Variants in KCNB2 observed in about 807,000 individuals in gnomAD.
KCNB2 encodes delayed rectifier potassium channel protein.
KCNB2 carries 15 observed loss-of-function variants against 61.5 expected under a neutral mutation model. The observed-to-expected ratio is 0.24, with a 90% CI of 0.16 to 0.38. The LOEUF (loss-of-function observed/expected upper bound fraction) is 0.38. KCNB2 is among the 10% of genes least tolerant of loss of function. The probability of loss-of-function intolerance (pLI) is 1.00; values close to 1 mark genes in which losing one functional copy is unlikely to be tolerated. For synonymous variants in KCNB2, 457 were observed against 446.0 expected, an observed-to-expected ratio of 1.02 and a Z score of -0.31; for missense variants, 828 against 1,125.2, an observed-to-expected ratio of 0.74 and a Z score of 3.78.
chr8:72,935,866 G>A (rs559837925), intron 2 of KCNB2, 69 bp from the exon 3 acceptor site: 27 of 1,035,158 alleles, frequency 2.6e-5, no homozygotes, highest in African/African-American at 7.9e-5. Flanking sequence ...AACAATCACC[G>A]ACCCATCTGT....
chr8:72,581,483 T>C (rs1248622704), intron 2 of KCNB2, among the ~76,000 whole-genome samples: 1 of 152,220 alleles, frequency 6.6e-6, no homozygotes, highest in East Asian at 1.9e-4. Context: ...ACACTGACTG[T>C]GCCTCCAAAT....
intron 2 of KCNB2, among the ~76,000 whole-genome samples, chr8:72,587,088 A>AT (rs1288466868): frequency 1.3e-5 from 2 of 152,130 alleles, no homozygotes; most frequent in Admixed American, 6.6e-5. Context: ...AGTTCTTGAG[A>AT]TTTTTTTCCT....
At chr8:72,595,665 A>G (rs996389222) in intron 2 of KCNB2, among the ~76,000 whole-genome samples, 1 of 151,962 alleles carries the variant, frequency 6.6e-6, no homozygotes, top group South Asian at 2.1e-4. Context: ...CTCACCTCAT[A>G]TGTCCCTAGC....
intron 2 of KCNB2, among the ~76,000 whole-genome samples, chr8:72,700,412 A>G: frequency 6.6e-6 from 1 of 152,176 alleles, no homozygotes; most frequent in Non-Finnish European, 1.5e-5. Flanking sequence ...ACATGAACAC[A>G]CACTTCTTAC....
intron 2 of KCNB2, among the ~76,000 whole-genome samples, chr8:72,689,067 A>G (rs1169901383): frequency 6.6e-6 from 1 of 152,212 alleles, no homozygotes; most frequent in African/African-American, 2.4e-5. Context: ...ATGTTTATAA[A>G]TAACTTTCAC....
intron 2 of KCNB2, among the ~76,000 whole-genome samples, chr8:72,584,145 A>G (rs1351108030): frequency 6.6e-6 from 1 of 152,138 alleles, no homozygotes; most frequent in Non-Finnish European, 1.5e-5. Flanking sequence ...GGAAAAGAAC[A>G]TTTAGACAAA....
rs181704658 is a variant in KCNB2, at chr8:72,902,333, T to C, written c.580-33602T>C. On this transcript the variant is annotated intron_variant, in intron 2 of 2. Transcript: ENST00000523207. The stretch of plus-strand genomic sequence containing the variant: ...AAAGATAGGTGTTGTGGATGGAGAG[T>C]GAAGGGAAAGCCAGAGAGATATGAA... Among the ~76,000 whole-genome samples, 425 of 151,470 alleles carry C rather than the reference T, an allele frequency of 2.8e-3. 3 individuals carry two copies. The highest frequency in any genetic ancestry group is 4.3e-3 in the Non-Finnish European group (289 of 67,828).
At chr8:72,818,204 T>G (rs1217586061) in intron 2 of KCNB2, among the ~76,000 whole-genome samples, 4 of 152,064 alleles carry the variant, frequency 2.6e-5, no homozygotes, top group Non-Finnish European at 5.9e-5. Context: ...AAGAAAAAAA[T>G]TATGGCCTAT....
intron 2 of KCNB2, among the ~76,000 whole-genome samples, chr8:72,885,281 T>C (rs145649845): frequency 4.9e-4 from 75 of 152,234 alleles, no homozygotes; most frequent in African/African-American, 1.7e-3. Context: ...GTCTGTAACT[T>C]TATTGTACTT....
intron 2 of KCNB2, among the ~76,000 whole-genome samples, chr8:72,851,664 C>T (rs899920733): frequency 1.3e-4 from 19 of 151,912 alleles, no homozygotes; most frequent in African/African-American, 4.4e-4. Context: ...CTAAACTGTC[C>T]GATGGCTCCA....
intron 2 of KCNB2, among the ~76,000 whole-genome samples, chr8:72,891,560 C>T (rs960848474): frequency 6.6e-6 from 1 of 152,188 alleles, no homozygotes; most frequent in Non-Finnish European, 1.5e-5. Flanking sequence ...AGAAAGCCAA[C>T]ACCAAAAATT....
At chr8:72,931,882 G>A (rs1033742672) in intron 2 of KCNB2, among the ~76,000 whole-genome samples, 2 of 152,162 alleles carry the variant, frequency 1.3e-5, no homozygotes, top group South Asian at 2.1e-4. Flanking sequence ...GCATGGTGGT[G>A]CACACCTGTA....
intron 2 of KCNB2, among the ~76,000 whole-genome samples, chr8:72,795,878 T>A (rs1256992322): frequency 1.3e-5 from 2 of 152,142 alleles, no homozygotes; most frequent in East Asian, 1.9e-4. Context: ...CAGAGAGGCA[T>A]AAAATTATGC....
intron 2 of KCNB2, among the ~76,000 whole-genome samples, chr8:72,629,763 T>C (rs1445342621): frequency 6.6e-6 from 1 of 152,164 alleles, no homozygotes; most frequent in Non-Finnish European, 1.5e-5. Flanking sequence ...TAAGCCAGGC[T>C]CTGTGCTAGG....
At chr8:72,892,370 G>A (rs974279319) in intron 2 of KCNB2, among the ~76,000 whole-genome samples, 2 of 152,050 alleles carry the variant, frequency 1.3e-5, no homozygotes, top group South Asian at 2.1e-4. Context: ...GCTTCCAGTT[G>A]GGCCACTACC....
chr8:72,732,347 A>T (rs943229744), intron 2 of KCNB2, among the ~76,000 whole-genome samples: 1 of 152,226 alleles, frequency 6.6e-6, no homozygotes, highest in Non-Finnish European at 1.5e-5. Context: ...AATGTGAGGC[A>T]GAGCCCGCTT....
intron 2 of KCNB2, among the ~76,000 whole-genome samples, chr8:72,572,143 C>T (rs564189850): frequency 6.6e-6 from 1 of 152,294 alleles, no homozygotes; most frequent in East Asian, 1.9e-4. Flanking sequence ...AGGGCCCACA[C>T]TTTGGATGTC....
chr8:72,695,577 T>C (rs1032618115), intron 2 of KCNB2, among the ~76,000 whole-genome samples: 1 of 152,182 alleles, frequency 6.6e-6, no homozygotes, highest in Non-Finnish European at 1.5e-5. Context: ...TCTTAATCTA[T>C]ATTGGACATC....
intron 2 of KCNB2, among the ~76,000 whole-genome samples, chr8:72,737,591 A>G (rs953640678): frequency 6.6e-6 from 1 of 152,210 alleles, no homozygotes; most frequent in African/African-American, 2.4e-5. Context: ...TCATGGCAGC[A>G]TGGAAGACAT....
Sources: allele counts gnomAD v4.1 joint callset (sites outside exome capture counted in the v4.1 genomes callset), GRCh38; gene constraint gnomAD v4.1.1; transcripts MANE v1.5; gene names NCBI Gene and HGNC (gene_info 2026-07-23, HGNC 2026-07-21).